Variants in SGK1 observed in about 807,000 individuals in gnomAD.
SGK1 encodes serum/glucocorticoid regulated kinase 1.
SGK1 carries 26 observed loss-of-function variants against 64.2 expected under a neutral mutation model. That is an observed-to-expected ratio of 0.40 (90% CI 0.30 to 0.56). The LOEUF is 0.56. Among genes scored for constraint, SGK1 ranks in the 20% least tolerant of loss-of-function variants. The pLI, the probability that SGK1 is intolerant of heterozygous loss-of-function variation, is 0.38. For missense variants in SGK1, 519 were observed against 645.6 expected (o/e 0.80, Z 2.12); for synonymous variants, 265 against 239.7 (o/e 1.11, Z -0.98).
chr6:134,202,054 A>G (rs1775695580), intron 3 of SGK1, among the ~76,000 whole-genome samples: 2 of 152,186 alleles, frequency 1.3e-5, no homozygotes, highest in South Asian at 4.1e-4. Flanking sequence ...TCATAGTCAA[A>G]CTGATAAAAA....
At chr6:134,218,241 T>C (rs1776018454) in intron 2 of SGK1, among the ~76,000 whole-genome samples, 1 of 152,122 alleles carries the variant, frequency 6.6e-6, no homozygotes, top group South Asian at 2.1e-4. Flanking sequence ...TTTTAAGATG[T>C]CAATTGAGAA....
At chr6:134,310,501 C>A (rs919261849) in intron 1 of SGK1, among the ~76,000 whole-genome samples, 2 of 152,170 alleles carry the variant, frequency 1.3e-5, no homozygotes, top group African/African-American at 4.8e-5. Flanking sequence ...TAAGACCATG[C>A]TGAAAAGTGA....
chr6:134,247,705 T>C (rs2114731877), intron 2 of SGK1, among the ~76,000 whole-genome samples: 1 of 152,290 alleles, frequency 6.6e-6, no homozygotes, highest in African/African-American at 2.4e-5. Flanking sequence ...CCATGAGTCA[T>C]TGTCACTGAT....
chr6:134,226,200 T>C (rs1466124710), intron 2 of SGK1, among the ~76,000 whole-genome samples: 1 of 152,000 alleles, frequency 6.6e-6, no homozygotes, highest in Non-Finnish European at 1.5e-5. Context: ...ATCAACAAAA[T>C]GGTGCAATAG....
rs1263929752 is a variant in SGK1, at chr6:134,172,678, G to T, written c.931C>A (p.Leu311Met). 36 of 1,611,038 alleles carry T rather than the reference G, an allele frequency of 2.2e-5. No homozygotes were observed. The highest frequency in any genetic ancestry group is 4.4e-5 in the South Asian group (4 of 91,020). The change falls in exon 9 of 14, where the codon CTG (leucine) becomes ATG (methionine). Residue 311 changes from leucine to methionine, a missense_variant. By Grantham distance (15) the Leu-to-Met change is conservative (BLOSUM62 2). This residue lies in a region of SGK1 where 278 missense variants were observed against 408.7 expected (regional missense o/e 0.68). Coordinates refer to ENST00000367858, the MANE Select transcript of SGK1 (RefSeq NM_001143676.3). Reference protein sequence around the residue: ...IASALGYLHSLNIVYRDLKPE... With the variant: ...IASALGYLHSMNIVYRDLKPE... ...CAGGCTTACCTATAAACGATGTTCA[G>T]TGAATGCAGGTAGCCCAAGGCACTG... is the stretch of plus-strand genomic sequence containing the variant.
At chr6:134,232,465 A>T in intron 2 of SGK1, among the ~76,000 whole-genome samples, 1 of 58,356 alleles carries the variant, frequency 1.7e-5, no homozygotes, top group African/African-American at 5.2e-5. Context: ...GAAAGAAAGA[A>T]AGAAAGAAAG....
At chr6:134,208,108 C>G (rs1277517452) in intron 2 of SGK1, among the ~76,000 whole-genome samples, 1 of 152,090 alleles carries the variant, frequency 6.6e-6, no homozygotes. Context: ...GACGGGGTTT[C>G]ACCATGTTGC....
intron 2 of SGK1, among the ~76,000 whole-genome samples, chr6:134,224,397 G>A (rs1776137394): frequency 6.6e-6 from 1 of 152,126 alleles, no homozygotes; most frequent in South Asian, 2.1e-4. Context: ...ACTTTAAGAG[G>A]TGCAGGTTCT....
chr6:134,298,626 G>C, intron 1 of SGK1: 1 of 1,279,870 alleles, frequency 7.8e-7, no homozygotes. Flanking sequence ...ACTCGTGTAG[G>C]AGCGGCTGCT....
At chr6:134,270,974 C>T (rs995569568) in intron 1 of SGK1, among the ~76,000 whole-genome samples, 3 of 122,880 alleles carry the variant, frequency 2.4e-5, no homozygotes, top group Admixed American at 1.0e-4. Context: ...AATTCATCAA[C>T]GTACGTTTTT....
intron 2 of SGK1, chr6:134,260,478 C>A (rs1299427176): frequency 6.6e-6 from 1 of 150,378 alleles, no homozygotes; most frequent in Non-Finnish European, 1.5e-5. Context: ...TTGACACCAG[C>A]CTGACCAACA....
At chr6:134,177,009 A>G (rs1180084522) in intron 3 of SGK1, among the ~76,000 whole-genome samples, 1 of 152,186 alleles carries the variant, frequency 6.6e-6, no homozygotes, top group Non-Finnish European at 1.5e-5. Flanking sequence ...AGGTCAAGAG[A>G]TCGAGACCAT....
intron 3 of SGK1, among the ~76,000 whole-genome samples, chr6:134,193,938 CAG>C (rs1244123240): frequency 6.6e-6 from 1 of 151,708 alleles, no homozygotes; most frequent in African/African-American, 2.4e-5. Context: ...CCTGGCAGCT[CAG>C]GGAACAAGGT....
At position 134,297,820 on chromosome 6, in the gene SGK1, G is replaced by A. The variant is rs543031636; in HGVS notation, c.69+19572C>T. On this transcript the variant is annotated intron_variant, in intron 1 of 13. Transcript: ENST00000367858. ...CCGGCCTAGATCTCAGTCTTTGTAT[G>A]CTGCAGGTCATCCCCGTGCTTCCCA... 7.4e-6 allele frequency: 5 copies of A among 675,940 alleles called. No individual in the cohort carries two copies. The South Asian group carries it at 7.6e-5, about 10-fold the overall frequency. The allele number at this position is 675,940 out of a possible 1,614,324, so 41.9% of individuals were successfully genotyped here. A position where few individuals can be genotyped will look rare whatever the true frequency, so the allele number is the denominator to read the frequency against.
chr6:134,308,362 T>C lies in SGK1; in HGVS notation c.69+9030A>G, dbSNP rs569084980. Among the ~76,000 whole-genome samples the C allele has an allele frequency of 1.1e-4, 17 of 152,350 alleles. No homozygotes were observed. The East Asian group carries it at 3.3e-3, about 29-fold the overall frequency. ...AATTTTTGTCCTACAGGGACTTGAG[T>C]CTAAATATGTTTTAACAATTTGGGG... On this transcript the variant is annotated intron_variant, in intron 1 of 13. Coordinates refer to ENST00000367858, the MANE Select transcript of SGK1 (RefSeq NM_001143676.3).
intron 1 of SGK1, among the ~76,000 whole-genome samples, chr6:134,275,912 G>A (rs1777010838): frequency 6.6e-6 from 1 of 152,032 alleles, no homozygotes; most frequent in Non-Finnish European, 1.5e-5. Context: ...CATCCATTTG[G>A]GTATTCATTT....
intron 3 of SGK1, among the ~76,000 whole-genome samples, chr6:134,205,715 A>G (rs1775758130): frequency 6.6e-6 from 1 of 152,250 alleles, no homozygotes; most frequent in Non-Finnish European, 1.5e-5. Flanking sequence ...ATAACAAGGA[A>G]AGGGCTGTCT....
chr6:134,269,045 T>C (rs1562270107), intron 1 of SGK1, among the ~76,000 whole-genome samples: 1 of 147,312 alleles, frequency 6.8e-6, no homozygotes, highest in Non-Finnish European at 1.5e-5. Flanking sequence ...ATTTTCCACT[T>C]GTGGTTTTTT....
At chr6:134,198,823 G>GCTAC (rs1222643150) in intron 3 of SGK1, among the ~76,000 whole-genome samples, 2 of 148,230 alleles carry the variant, frequency 1.3e-5, no homozygotes, top group African/African-American at 2.5e-5. Flanking sequence ...ATAGGCATGA[G>GCTAC]CTACCAGTAG....
Sources: gnomAD v4.1 joint callset for allele counts (sites outside exome capture counted in the v4.1 genomes callset) on GRCh38, gnomAD v4.1.1 for gene constraint, gnomAD v4.1.1 regional missense constraint, MANE v1.5 for transcripts, NCBI Gene and HGNC (gene_info 2026-07-23, HGNC 2026-07-21) for gene names.